Variants in FBXL7 observed in about 807,000 individuals in gnomAD.
FBXL7 encodes the protein F-box/LRR-repeat protein 7.
Under a neutral mutation model 38.3 loss-of-function variants are expected in FBXL7, and 12 were observed. That is an observed-to-expected ratio of 0.31 (90% CI 0.20 to 0.51). FBXL7 has a LOEUF of 0.51. Ranked by LOEUF, FBXL7 falls within the 20% of genes least tolerant of loss-of-function variation. FBXL7 has a pLI of 0.98. For missense variants in FBXL7, 567 were observed against 676.4 expected (o/e 0.84, Z 1.79); for synonymous variants, 297 against 300.9 (o/e 0.99, Z 0.13).
At chr5:15,752,985 C>A (rs1736193043) in intron 2 of FBXL7, among the ~76,000 whole-genome samples, 1 of 152,144 alleles carries the variant, frequency 6.6e-6, no homozygotes, top group Non-Finnish European at 1.5e-5. Flanking sequence ...GACGTTAGGG[C>A]AAAGTTGTTT....
At chr5:15,768,517 C>T (rs1213981449) in intron 2 of FBXL7, among the ~76,000 whole-genome samples, 1 of 147,818 alleles carries the variant, frequency 6.8e-6, no homozygotes, top group African/African-American at 2.5e-5. Context: ...GGCGACGGAG[C>T]GAGACTCTGT....
intron 2 of FBXL7, among the ~76,000 whole-genome samples, chr5:15,792,951 C>T (rs1737315182): frequency 6.6e-6 from 1 of 152,144 alleles, no homozygotes; most frequent in Admixed American, 6.5e-5. Context: ...GAGGGGGAGT[C>T]AGACCAGGAA....
At chr5:15,507,034 A>G (rs1193942560) in intron 1 of FBXL7, among the ~76,000 whole-genome samples, 2 of 151,024 alleles carry the variant, frequency 1.3e-5, no homozygotes, top group East Asian at 3.9e-4. Flanking sequence ...CTTATAACAG[A>G]TAATTTGTGA....
At chr5:15,684,539 C>G (rs909829864) in intron 2 of FBXL7, among the ~76,000 whole-genome samples, 2 of 152,100 alleles carry the variant, frequency 1.3e-5, no homozygotes, top group African/African-American at 4.8e-5. Flanking sequence ...TGTTATCTTA[C>G]CAGGCAAAAG....
At chr5:15,566,613 C>G (rs903216410) in intron 1 of FBXL7, among the ~76,000 whole-genome samples, 2 of 152,118 alleles carry the variant, frequency 1.3e-5, no homozygotes, top group African/African-American at 4.8e-5. Flanking sequence ...CCATTTCCAA[C>G]ATCATAAATT....
chr5:15,939,319 G>T lies in FBXL7; in HGVS notation c.*2133G>T, dbSNP rs549496663. ...GACCCTATTTGAAGTTTCAGGATTTGGGTGTCACAAAGGATTGTCCCTAAT... is the reference window on the plus strand; with the variant it reads ...GACCCTATTTGAAGTTTCAGGATTTTGGTGTCACAAAGGATTGTCCCTAAT... On this transcript the variant is annotated 3_prime_UTR_variant, in exon 4 of 4. Coordinates refer to ENST00000504595, the MANE Select transcript of FBXL7 (RefSeq NM_012304.5). 9.5e-5 allele frequency: 32 copies of T among 336,334 alleles called. No individual in the cohort carries two copies. The East Asian group carries it at 1.4e-3, about 15-fold the overall frequency. 20.8% of individuals were successfully genotyped at this position (336,334 alleles called of 1,614,324 possible).
intron 2 of FBXL7, among the ~76,000 whole-genome samples, chr5:15,925,047 G>C (rs1482336652): frequency 6.6e-6 from 1 of 151,468 alleles, no homozygotes; most frequent in Non-Finnish European, 1.5e-5. Flanking sequence ...CAAGCCCTAT[G>C]TCACTAGAAT....
chr5:15,798,483 A>T (rs184760236), intron 2 of FBXL7, among the ~76,000 whole-genome samples: 2 of 152,152 alleles, frequency 1.3e-5, no homozygotes, highest in African/African-American at 4.8e-5. Context: ...ATTAAGTAAC[A>T]TTTTCCCAAA....
At chr5:15,686,663 C>A (rs1743025002) in intron 2 of FBXL7, among the ~76,000 whole-genome samples, 1 of 152,128 alleles carries the variant, frequency 6.6e-6, no homozygotes, top group Non-Finnish European at 1.5e-5. Flanking sequence ...AAAGAAACCT[C>A]AATTTATATA....
intron 2 of FBXL7, among the ~76,000 whole-genome samples, chr5:15,625,428 C>CAG (rs1561057756): frequency 2.0e-5 from 3 of 152,024 alleles, no homozygotes; most frequent in African/African-American, 7.3e-5. Flanking sequence ...CCGAGGTGGC[C>CAG]GATCACATGA....
chr5:15,883,555 T>G (rs1056302297), intron 2 of FBXL7, among the ~76,000 whole-genome samples: 1 of 152,200 alleles, frequency 6.6e-6, no homozygotes, highest in Admixed American at 6.5e-5. Flanking sequence ...TTACCATTCT[T>G]CAGGTGGTGA....
chr5:15,921,716 A>G (rs1466407835), intron 2 of FBXL7, among the ~76,000 whole-genome samples: 2 of 152,216 alleles, frequency 1.3e-5, no homozygotes, highest in Non-Finnish European at 2.9e-5. Context: ...AAGATGTCAT[A>G]AAAGTGGCCA....
intron 1 of FBXL7, among the ~76,000 whole-genome samples, chr5:15,576,388 A>G (rs1738971083): frequency 6.6e-6 from 1 of 152,104 alleles, no homozygotes; most frequent in African/African-American, 2.4e-5. Flanking sequence ...CTGGCTGAGA[A>G]TCTCATTCTT....
intron 2 of FBXL7, among the ~76,000 whole-genome samples, chr5:15,675,573 C>T (rs114528465): frequency 4.7e-4 from 72 of 152,308 alleles, no homozygotes; most frequent in African/African-American, 1.7e-3. Flanking sequence ...GGAAGAAATG[C>T]GCAGCAGGAA....
intron 2 of FBXL7, among the ~76,000 whole-genome samples, chr5:15,813,046 T>A (rs544739095): frequency 6.6e-6 from 1 of 152,152 alleles, no homozygotes; most frequent in Non-Finnish European, 1.5e-5. Context: ...ATGATGGGGT[T>A]TTCTAAATAT....
Position 15,928,362 on chromosome 5 carries a change from A to G in FBXL7, c.600A>G (p.Thr200=). The stretch of plus-strand genomic sequence containing the variant: ...CTGTCAGTGGCTGCAGGCGGCTCAC[A>G]GACCGAGGGCTGTACACCATCGCCC... ...TVTVSGCRRL[T]DRGLYTIAQC... is the part of the protein sequence containing the mutation. Residue 200 remains threonine, a synonymous_variant, in exon 3 of 4, where the codon ACA becomes ACG. Coordinates refer to ENST00000504595, the MANE Select transcript of FBXL7 (RefSeq NM_012304.5). The surrounding 1 kb of genome is among the most constrained non-coding windows in gnomAD (Gnocchi z 4.0). The G allele has an allele frequency of 1.9e-6, 3 of 1,614,006 alleles. No homozygotes were observed. The highest frequency in any genetic ancestry group is 2.5e-6 in the Non-Finnish European group (3 of 1,179,892).
chr5:15,859,372 T>C (rs145437823), intron 2 of FBXL7, among the ~76,000 whole-genome samples: 29 of 152,288 alleles, frequency 1.9e-4, no homozygotes, highest in South Asian at 8.3e-4. Context: ...AGAGACATTG[T>C]TGGTTGTCAC....
chr5:15,691,194 G>C lies in FBXL7; in HGVS notation c.127+75122G>C, dbSNP rs372032550. Among the ~76,000 whole-genome samples the C allele has an allele frequency of 2.0e-5, 3 of 152,242 alleles. No homozygotes were observed. The South Asian group carries it at 6.2e-4, about 32-fold the overall frequency. ...ATTGAGGCACTGGAGTGCACATCCC[G>C]CTTGATGGGCAGGTTTCCCCACCAC... On this transcript the variant is annotated intron_variant, in intron 2 of 3. Transcript: ENST00000504595.
intron 2 of FBXL7, among the ~76,000 whole-genome samples, chr5:15,926,318 T>C (rs937137284): frequency 8.1e-5 from 12 of 148,570 alleles, no homozygotes; most frequent in Non-Finnish European, 1.5e-4. Context: ...GTATATTGTA[T>C]ATAATATCCA....
Sources: gnomAD v4.1 joint callset for allele counts (sites outside exome capture counted in the v4.1 genomes callset) on GRCh38, gnomAD v4.1.1 for gene constraint, Gnocchi (gnomAD v3.1) non-coding constraint, MANE v1.5 for transcripts, NCBI Gene and HGNC (gene_info 2026-07-23, HGNC 2026-07-21) for gene names.